Variants in STAB2 observed in about 807,000 individuals in gnomAD.
STAB2 encodes stabilin 2.
In STAB2, 288 loss-of-function variants were observed where a neutral mutation model predicts 338.1. That is an observed-to-expected ratio of 0.85 (90% confidence interval 0.77 to 0.94). The LOEUF is 0.94. Among genes scored for constraint, STAB2 ranks in the 40% least tolerant of loss-of-function variants. STAB2 has a pLI of 0.00. For synonymous variants in STAB2, 1,202 were observed against 1,193.3 expected (o/e 1.01, Z -0.15); for missense variants, 3,141 against 3,210.1 (o/e 0.98, Z 0.52).
intron 43 of STAB2, among the ~76,000 whole-genome samples, chr12:103,717,402 T>A (rs1880405409): frequency 6.6e-6 from 1 of 152,110 alleles, no homozygotes; most frequent in Admixed American, 6.5e-5. Flanking sequence ...GAGCAAGATA[T>A]GAGTATGAAT....
chr12:103,637,044 G>T (rs147547637), intron 6 of STAB2, 67 bp from the exon 7 acceptor site: 434 of 1,474,178 alleles, frequency 2.9e-4, no homozygotes, highest in Non-Finnish European at 3.8e-4. Context: ...AGGGAATACT[G>T]CAGTTTGGGG....
At chr12:103,669,257 T>G (rs1283661130) in intron 20 of STAB2, 55 of 381,816 alleles carry the variant, frequency 1.4e-4, no homozygotes, top group Non-Finnish European at 1.9e-5. Flanking sequence ...AATTCATACA[T>G]TGACTCTTCC....
chr12:103,587,624 T>C, intron 1 of STAB2, 67 bp downstream of exon 1: 1 of 1,374,760 alleles, frequency 7.3e-7, no homozygotes, highest in Non-Finnish European at 1.0e-6. Context: ...GCTTGTCGTT[T>C]TCCTCTGTTG....
At chr12:103,735,448 G>A (rs755387187) in intron 51 of STAB2, 43 bp from the exon 52 acceptor site, 19 of 1,489,376 alleles carry the variant, frequency 1.3e-5, no homozygotes, top group Admixed American at 1.1e-4. Flanking sequence ...TCCCTTCTTC[G>A]GCCCAAATTT....
intron 3 of STAB2, among the ~76,000 whole-genome samples, chr12:103,604,058 C>T (rs1335521539): frequency 6.6e-6 from 1 of 152,038 alleles, no homozygotes; most frequent in African/African-American, 2.4e-5. Context: ...GTATATTGAC[C>T]TCATATCCTG....
chr12:103,727,315 G>C lies in STAB2; in HGVS notation c.4900G>C (p.Ala1634Pro). 6.2e-7 allele frequency: 1 copy of C among 1,614,230 alleles called. No homozygotes were observed. Among genetic ancestry groups the C allele is most frequent in the Non-Finnish European group, 8.5e-7 (1 of 1,180,032 alleles). Residue 1634 changes from alanine to proline, a missense_variant, in exon 47 of 69, where the codon GCA (alanine) becomes CCA (proline). Physicochemically the swap from Ala to Pro is conservative, Grantham distance 27. Transcript: ENST00000388887. ...LVGPGPFTVF[A>P]PLSAAFDEEA... ...CGGCCCAGGCCCCTTCACTGTTTTT[G>C]CACCTTTATCTGCAGCCTTTGATGA...
At position 103,759,138 on chromosome 12, in the gene STAB2, G is replaced by C. The variant is rs1884352281; in HGVS notation, c.7113G>C (p.Leu2371Phe). The C allele has an allele frequency of 6.2e-7, 1 of 1,614,008 alleles. No homozygotes were observed. Among genetic ancestry groups the C allele is most frequent in the South Asian group, 1.1e-5 (1 of 91,088 alleles). ...TGTTTCTCCTTTTTTCTCAGACCTT[G>C]TCTGGGCGGGACATCGAGCACCACC... ...QNSGLGENETLSGRDIEHHLA... is the reference protein window; with the variant it reads ...QNSGLGENETFSGRDIEHHLA... The change falls in exon 65 of 69, where the codon TTG becomes TTC. Residue 2371 changes from leucine to phenylalanine, a missense_variant. Transcript: ENST00000388887.
intron 3 of STAB2, among the ~76,000 whole-genome samples, chr12:103,615,169 C>A (rs1324676745): frequency 4.6e-5 from 7 of 152,264 alleles, no homozygotes; most frequent in East Asian, 1.9e-4. Context: ...CTAATTTGCA[C>A]AAAGGCTGTC....
At chr12:103,617,974 A>G (rs942778399) in intron 3 of STAB2, among the ~76,000 whole-genome samples, 4 of 152,326 alleles carry the variant, frequency 2.6e-5, no homozygotes, top group East Asian at 1.9e-4. Context: ...AACCATCTAC[A>G]GATGGATATG....
intron 23 of STAB2, among the ~76,000 whole-genome samples, chr12:103,675,671 G>GA (rs762080697): frequency 5.3e-5 from 8 of 152,208 alleles, no homozygotes; most frequent in Non-Finnish European, 1.0e-4. Context: ...TTCCTCATGA[G>GA]AAATAAGATC....
intron 12 of STAB2, 114 bp from the exon 13 acceptor site, chr12:103,654,441 C>A: frequency 8.6e-7 from 1 of 1,168,028 alleles, no homozygotes; most frequent in Non-Finnish European, 1.2e-6. Flanking sequence ...TATCCAAAAT[C>A]ACATTGCCAA....
chr12:103,729,303 C>T (rs1206248170), intron 48 of STAB2, among the ~76,000 whole-genome samples: 2 of 151,966 alleles, frequency 1.3e-5, no homozygotes, highest in East Asian at 3.9e-4. Flanking sequence ...CCCCATGACA[C>T]AAGTTTACCT....
At chr12:103,756,557 T>C (rs1265900344) in intron 63 of STAB2, among the ~76,000 whole-genome samples, 2 of 152,314 alleles carry the variant, frequency 1.3e-5, no homozygotes, top group East Asian at 3.9e-4. Flanking sequence ...ATGAAGAAAC[T>C]GAGGCTTAGC....
chr12:103,724,956 C>T lies in STAB2; in HGVS notation c.4684-19C>T, dbSNP rs1313937246. On this transcript the variant is annotated intron_variant, in intron 44 of 68. Transcript: ENST00000388887. ...AACTGGTCTAATCCCCATCCCTTGC[C>T]CCTTGGCAATTTTACCAGAAAAATG... 1.1e-5 allele frequency: 17 copies of T among 1,612,542 alleles called. No individual in the cohort carries two copies. The highest frequency in any genetic ancestry group is 1.4e-5 in the Non-Finnish European group (16 of 1,178,646).
At chr12:103,696,350 G>A (rs1252771903) in intron 33 of STAB2, among the ~76,000 whole-genome samples, 2 of 152,132 alleles carry the variant, frequency 1.3e-5, no homozygotes, top group Non-Finnish European at 2.9e-5. Context: ...TATAAACATG[G>A]AAGTGAAAAC....
At chr12:103,732,985 G>C in intron 50 of STAB2, 21 bp from the exon 51 acceptor site, 6 of 1,611,388 alleles carry the variant, frequency 3.7e-6, no homozygotes, top group Non-Finnish European at 4.2e-6. Context: ...GCCAGCAAGG[G>C]GCTGAATCCC....
intron 22 of STAB2, among the ~76,000 whole-genome samples, chr12:103,671,827 AT>A (rs1425044506): frequency 6.6e-6 from 1 of 152,242 alleles, no homozygotes; most frequent in Non-Finnish European, 1.5e-5. Flanking sequence ...CAGAAAATGC[AT>A]TCCCTCATTC....
At chr12:103,720,473 A>G (rs2139037855) in intron 44 of STAB2, among the ~76,000 whole-genome samples, 1 of 152,316 alleles carries the variant, frequency 6.6e-6, no homozygotes, top group African/African-American at 2.4e-5. Context: ...ATGTCAGCCC[A>G]GTGTTGACGG....
chr12:103,669,393 C>A, intron 20 of STAB2, 148 bp from the exon 21 acceptor site: 1 of 662,068 alleles, frequency 1.5e-6, no homozygotes, highest in Non-Finnish European at 2.7e-6. Context: ...TGAGCACTAG[C>A]CATGCCATCA....
Sources: allele counts gnomAD v4.1 joint callset (sites outside exome capture counted in the v4.1 genomes callset), GRCh38; gene constraint gnomAD v4.1.1; transcripts MANE v1.5; gene names NCBI Gene and HGNC (gene_info 2026-07-23, HGNC 2026-07-21).